Variants in HARS1 observed in about 807,000 individuals in gnomAD.
HARS1 encodes the protein histidyl-tRNA synthetase 1.
Under a neutral mutation model 63.6 loss-of-function variants are expected in HARS1, and 45 were observed. The ratio of observed to expected loss-of-function variants is 0.71; its 90% CI spans 0.56 to 0.91. HARS1 has a LOEUF of 0.91. HARS1 is among the 40% of genes least tolerant of loss of function. HARS1 has a pLI of 0.00. For missense variants in HARS1, 508 were observed against 643.2 expected, an observed-to-expected ratio of 0.79 and a Z score of 2.27; for synonymous variants, 205 against 247.1, an observed-to-expected ratio of 0.83 and a Z score of 1.60.
At chr5:140,688,849 T>G (rs1039158407) in intron 2 of HARS1, among the ~76,000 whole-genome samples, 2 of 152,222 alleles carry the variant, frequency 1.3e-5, no homozygotes, top group African/African-American at 4.8e-5. Flanking sequence ...TGTAAACTGA[T>G]AGTTAGTCCA....
intron 2 of HARS1, among the ~76,000 whole-genome samples, chr5:140,686,980 G>A (rs1443439611): frequency 6.6e-6 from 1 of 152,184 alleles, no homozygotes; most frequent in Non-Finnish European, 1.5e-5. Flanking sequence ...TTGAGGTGAC[G>A]AGGCTCACTT....
intron 12 of HARS1, 56 bp from the exon 13 acceptor site, chr5:140,674,384 G>A (rs373746524): frequency 1.9e-5 from 23 of 1,228,598 alleles, no homozygotes; most frequent in Middle Eastern, 3.7e-4. Context: ...ACTGCTCCCC[G>A]AGTGCCTAGT....
chr5:140,677,710 C>A lies in HARS1; in HGVS notation c.674G>T (p.Gly225Val). ...RILDGMFAICGVSDSKFRTIC... is the reference protein window; with the variant it reads ...RILDGMFAICVVSDSKFRTIC... Reference sequence around the variant, plus strand: ...GGTACGGAACTTGCTGTCAGAAACACCACAGATAGCAAACATCCCATCTAG... The same window carrying A: ...GGTACGGAACTTGCTGTCAGAAACAACACAGATAGCAAACATCCCATCTAG... Residue 225 changes from glycine (G) to valine (V), a missense_variant, in exon 7 of 13, where the codon GGT becomes GTT. Around this residue, in one of 2 missense-constraint regions of HARS1, gnomAD observed 403 missense variants for 548.7 expected, o/e 0.73. Transcript: ENST00000504156. 6.2e-7 allele frequency: 1 copy of A among 1,611,812 alleles called. No homozygotes were observed. Among genetic ancestry groups the A allele is most frequent in the Non-Finnish European group, 8.5e-7 (1 of 1,179,298 alleles).
chr5:140,674,140 A>G lies in HARS1; in HGVS notation c.*117T>C. The G allele has an allele frequency of 1.3e-6, 1 of 768,294 alleles. No homozygotes were observed. Among genetic ancestry groups the G allele is most frequent in the Non-Finnish European group, 2.4e-6 (1 of 418,982 alleles). 47.6% of individuals were successfully genotyped at this position (768,294 alleles called of 1,614,324 possible). A position where few individuals can be genotyped will look rare whatever the true frequency, so the allele number is the denominator to read the frequency against. ...AAAAATCAAAGGCTCTGTTCTGACC[A>G]CTCTTCAGGTCTTCCGCTGAAACGG... On this transcript the variant is annotated 3_prime_UTR_variant, in exon 13 of 13. Transcript: ENST00000504156.
At position 140,676,484 on chromosome 5, in the gene HARS1, T is replaced by C; in HGVS notation, c.1194+170A>G. The C allele has an allele frequency of 1.4e-6, 1 of 736,874 alleles. No individual in the cohort carries two copies. The highest frequency in any genetic ancestry group is 2.3e-6 in the Non-Finnish European group (1 of 438,422). The allele number at this position is 736,874 out of a possible 1,614,324, so 45.6% of individuals were successfully genotyped here. On this transcript the variant is annotated intron_variant, in intron 10 of 12. Coordinates refer to ENST00000504156, the MANE Select transcript of HARS1 (RefSeq NM_002109.6). The surrounding 1 kb of genome is among the most constrained non-coding windows in gnomAD (Gnocchi z 4.1). Reference sequence around the variant, plus strand: ...AGAAAGATTATGGATTAAAGATCCATAAAACTTACATATAATGGGGTAGAA... The same window carrying C: ...AGAAAGATTATGGATTAAAGATCCACAAAACTTACATATAATGGGGTAGAA...
In HARS1 at chr5:140,679,120, A is replaced by C; in HGVS notation, c.404T>G (p.Phe135Cys). 6.2e-7 allele frequency: 1 copy of C among 1,614,042 alleles called. No individual in the cohort carries two copies. Among genetic ancestry groups the C allele is most frequent in the Non-Finnish European group, 8.5e-7 (1 of 1,179,920 alleles). ...LSLRYDLTVP[F>C]ARYLAMNKLT... Reference sequence around the variant, plus strand: ...TTTATTCATTGCCAAATACCGAGCAAAAGGAACCTGATGACAAAGAGTTAA... The same window carrying C: ...TTTATTCATTGCCAAATACCGAGCACAAGGAACCTGATGACAAAGAGTTAA... The change falls in exon 5 of 13, where the codon TTT becomes TGT. Residue 135 changes from phenylalanine (F) to cysteine (C), a missense_variant. Phe to Cys is a radical substitution (Grantham distance 205). This residue lies in a region of HARS1 where 403 missense variants were observed against 548.7 expected (regional missense o/e 0.73). Coordinates refer to ENST00000504156, the MANE Select transcript of HARS1 (RefSeq NM_002109.6). The surrounding 1 kb of genome is among the most constrained non-coding windows in gnomAD (Gnocchi z 4.3).
chr5:140,683,199 G>C lies in HARS1; in HGVS notation c.201C>G (p.Pro67=). ...KTPKGTRDYS[P]RQMAVREKVF... is the part of the protein sequence containing the mutation. ...CCTTCTCGCGAACTGCCATCTGCCGGGGACTATAGTCTCTTGTGCCCTTGG... is the reference window on the plus strand; with the variant it reads ...CCTTCTCGCGAACTGCCATCTGCCGCGGACTATAGTCTCTTGTGCCCTTGG... Residue 67 remains proline, a synonymous_variant, in exon 3 of 13, where the codon CCC becomes CCG. Coordinates refer to ENST00000504156, the MANE Select transcript of HARS1 (RefSeq NM_002109.6). 1 of 1,613,968 alleles carries C rather than the reference G, an allele frequency of 6.2e-7. No homozygotes were observed. The highest frequency in any genetic ancestry group is 8.5e-7 in the Non-Finnish European group (1 of 1,179,836).
chr5:140,688,642 T>C (rs1349985452), intron 2 of HARS1, among the ~76,000 whole-genome samples: 3 of 152,210 alleles, frequency 2.0e-5, no homozygotes, highest in Non-Finnish European at 4.4e-5. Flanking sequence ...AGTCTATGCG[T>C]TGTAATCAGC....
Position 140,679,022 on chromosome 5 carries a change from A to T in HARS1, c.502T>A (p.Tyr168Asn). 6.2e-7 allele frequency: 1 copy of T among 1,614,034 alleles called. No homozygotes were observed. The highest frequency in any genetic ancestry group is 1.1e-5 in the South Asian group (1 of 91,062). Residue 168 changes from tyrosine to asparagine, a missense_variant, in exon 5 of 13, where the codon TAC becomes AAC. By Grantham distance (143) the Tyr-to-Asn change is moderately radical. Transcript: ENST00000504156. The surrounding 1 kb of genome is among the most constrained non-coding windows in gnomAD (Gnocchi z 4.3). ...RDNPAMTRGR[Y>N]REFYQCDFDI... ...CTCACACACTGGTAGAATTCCCGGT[A>T]TCGGCCACGGGTCATGGCTGGGTTA...
Position 140,679,223 on chromosome 5 carries a change from T to G in HARS1, c.397-96A>C, listed in dbSNP as rs1020046519. 4 of 1,120,594 alleles carry G rather than the reference T, an allele frequency of 3.6e-6. No homozygotes were observed. The highest frequency in any genetic ancestry group is 5.3e-6 in the Non-Finnish European group (4 of 760,354). The allele number at this position is 1,120,594 out of a possible 1,614,324, so 69.4% of individuals were successfully genotyped here. A position where few individuals can be genotyped will look rare whatever the true frequency, so the allele number is the denominator to read the frequency against. On this transcript the variant is annotated intron_variant, in intron 4 of 12. Coordinates refer to ENST00000504156, the MANE Select transcript of HARS1 (RefSeq NM_002109.6). This position sits in a 1 kb window ranked among gnomAD's most constrained non-coding sequence, Gnocchi z 4.3. Reference sequence around the variant, plus strand: ...AGCTGGGGTCTAACCCCTCCCTATGTGGGTAAAACTGCCACCCATAAGATT... The same window carrying G: ...AGCTGGGGTCTAACCCCTCCCTATGGGGGTAAAACTGCCACCCATAAGATT...
At chr5:140,675,916 A>G (rs1758337513) in intron 10 of HARS1, 1 of 152,230 alleles carries the variant, frequency 6.6e-6, no homozygotes, top group Non-Finnish European at 1.5e-5. Context: ...TCCACCCTAG[A>G]GAAAAGGCAT....
intron 12 of HARS1, 118 bp downstream of exon 12, chr5:140,674,561 G>T: frequency 8.6e-7 from 1 of 1,160,654 alleles, no homozygotes; most frequent in Non-Finnish European, 1.3e-6. Context: ...AGCCCTCAAG[G>T]CTTTTATGAG....
At chr5:140,685,737 A>G (rs1758987337) in intron 2 of HARS1, among the ~76,000 whole-genome samples, 1 of 147,058 alleles carries the variant, frequency 6.8e-6, no homozygotes, top group African/African-American at 2.5e-5. Flanking sequence ...AAAAAAAATC[A>G]TTAAAATGGT....
At chr5:140,690,793 A>C in intron 2 of HARS1, 62 bp downstream of exon 2, 1 of 931,318 alleles carries the variant, frequency 1.1e-6, no homozygotes. Context: ...GGAGGCAGAC[A>C]TAAGCGCCCC....
At position 140,677,894 on chromosome 5, in the gene HARS1, T is replaced by C; in HGVS notation, c.630+14A>G. ...CAGGCCCAACTTTGCCCTCCCAGCC[T>C]TGTCAGCTCTGACCTTGACCAGGAA... On this transcript the variant is annotated intron_variant, in intron 6 of 12. Transcript: ENST00000504156. 6.4e-7 allele frequency: 1 copy of C among 1,574,166 alleles called. No individual in the cohort carries two copies. The highest frequency in any genetic ancestry group is 8.7e-7 in the Non-Finnish European group (1 of 1,143,840).
intron 2 of HARS1, among the ~76,000 whole-genome samples, chr5:140,688,505 T>G (rs1759182655): frequency 6.6e-6 from 1 of 152,194 alleles, no homozygotes; most frequent in Non-Finnish European, 1.5e-5. Context: ...GACTCTATCT[T>G]TATTATAACT....
At chr5:140,681,396 G>A (rs1249903728) in intron 3 of HARS1, among the ~76,000 whole-genome samples, 1 of 152,160 alleles carries the variant, frequency 6.6e-6, no homozygotes, top group Admixed American at 6.5e-5. Flanking sequence ...TGGGCGCGGT[G>A]GCTCATGCCT....
In HARS1 at chr5:140,677,741, G is replaced by T; in HGVS notation, c.643C>A (p.Arg215Ser). 6.2e-7 allele frequency: 1 copy of T among 1,608,924 alleles called. No individual in the cohort carries two copies. Among genetic ancestry groups the T allele is most frequent in the Non-Finnish European group, 8.5e-7 (1 of 1,177,180 alleles). ...ATAGCAAACATCCCATCTAGAATGC[G>T]TCGATCGTTTACCTGCAAGGAACCA... ...GDFLVKVNDR[R>S]ILDGMFAICG... The change falls in exon 7 of 13, where the codon CGC (arginine) becomes AGC (serine). Residue 215 changes from arginine (R) to serine (S), a missense_variant. This residue lies in a region of HARS1 where 403 missense variants were observed against 548.7 expected (regional missense o/e 0.73). Coordinates refer to ENST00000504156, the MANE Select transcript of HARS1 (RefSeq NM_002109.6).
In HARS1 at chr5:140,679,248, TAATAGCAC is replaced by T. The variant is rs1758574081; in HGVS notation, c.397-129_397-122del. 1.2e-6 allele frequency: 1 copy of T among 821,394 alleles called. No individual in the cohort carries two copies. 50.9% of individuals were successfully genotyped at this position (821,394 alleles called of 1,614,324 possible). On this transcript the variant is annotated intron_variant, in intron 4 of 12. Coordinates refer to ENST00000504156, the MANE Select transcript of HARS1 (RefSeq NM_002109.6). This position sits in a 1 kb window ranked among gnomAD's most constrained non-coding sequence, Gnocchi z 4.3. ...TGGGTAAAACTGCCACCCATAAGAT[TAATAGCAC>T]TTACAAACATCAGAAAGCATCAGCT...
Sources: gnomAD v4.1 joint callset for allele counts (sites outside exome capture counted in the v4.1 genomes callset) on GRCh38, gnomAD v4.1.1 for gene constraint, gnomAD v4.1.1 regional missense constraint, Gnocchi (gnomAD v3.1) non-coding constraint, MANE v1.5 for transcripts, NCBI Gene and HGNC (gene_info 2026-07-23, HGNC 2026-07-21) for gene names.